Variants in TASP1 observed in about 807,000 individuals in gnomAD.
TASP1 encodes threonine aspartase 1.
TASP1 carries 16 observed loss-of-function variants against 56.6 expected under a neutral mutation model. The observed-to-expected ratio is 0.28, with a 90% CI of 0.19 to 0.43. The LOEUF (loss-of-function observed/expected upper bound fraction) is 0.43, where lower values mean the gene tolerates loss of function less well. Ranked by LOEUF, TASP1 falls within the 20% of genes least tolerant of loss-of-function variation. The probability of loss-of-function intolerance (pLI) is 1.00; values close to 1 mark genes in which losing one functional copy is unlikely to be tolerated. For missense variants in TASP1, 393 were observed against 511.6 expected, an observed-to-expected ratio of 0.77 and a Z score of 2.24; for synonymous variants, 179 against 184.2, an observed-to-expected ratio of 0.97 and a Z score of 0.23.
At chr20:13,357,525 C>A in the TASP1 span, among the ~76,000 whole-genome samples, 1 of 152,178 alleles carries the variant, frequency 6.6e-6, no homozygotes, top group Non-Finnish European at 1.5e-5. Context: ...ATTCTTTAAA[C>A]CCCTGATAAG....
At chr20:13,205,707 C>G in the TASP1 span, among the ~76,000 whole-genome samples, 1 of 152,162 alleles carries the variant, frequency 6.6e-6, no homozygotes, top group African/African-American at 2.4e-5. Context: ...CGAATGCCAT[C>G]ACATTGGGGA....
chr20:13,300,980 C>A, the TASP1 span, among the ~76,000 whole-genome samples: 1 of 152,206 alleles, frequency 6.6e-6, no homozygotes, highest in Non-Finnish European at 1.5e-5. Flanking sequence ...TAGAACTACT[C>A]ATCATGAAAA....
chr20:13,561,953 T>C (rs763302948), intron 7 of TASP1, among the ~76,000 whole-genome samples: 2 of 152,044 alleles, frequency 1.3e-5, no homozygotes, highest in African/African-American at 2.4e-5. Context: ...ATCTAAAAGA[T>C]ATAAACAGAA....
the TASP1 span, among the ~76,000 whole-genome samples, chr20:13,351,986 T>C: frequency 1.1e-4 from 16 of 152,320 alleles, no homozygotes; most frequent in African/African-American, 3.8e-4. Flanking sequence ...AATTTAACTG[T>C]AAGTAGCCAC....
chr20:13,533,979 C>T, intron 9 of TASP1, 43 bp downstream of exon 9: 1 of 1,570,618 alleles, frequency 6.4e-7, no homozygotes, highest in Non-Finnish European at 8.6e-7. Flanking sequence ...AAATTCCATG[C>T]TTTACTTTGA....
chr20:13,619,001 A>G (rs1051634173), intron 4 of TASP1, among the ~76,000 whole-genome samples: 1 of 152,020 alleles, frequency 6.6e-6, no homozygotes, highest in African/African-American at 2.4e-5. Flanking sequence ...CAGCCTCCCA[A>G]CTAGCTGGGA....
intron 12 of TASP1, among the ~76,000 whole-genome samples, chr20:13,434,443 T>C (rs904205605): frequency 6.6e-6 from 1 of 152,106 alleles, no homozygotes; most frequent in Non-Finnish European, 1.5e-5. Flanking sequence ...CCACTGGTGC[T>C]TGGGTAGAAA....
At chr20:13,279,726 C>T in the TASP1 span, 3 of 1,613,870 alleles carry the variant, frequency 1.9e-6, no homozygotes, top group African/African-American at 4.0e-5. Context: ...CATCCCCCGA[C>T]TGGCGGGCCT....
At chr20:13,280,465 T>G in the TASP1 span, among the ~76,000 whole-genome samples, 1 of 148,088 alleles carries the variant, frequency 6.8e-6, no homozygotes, top group Non-Finnish European at 1.5e-5. Flanking sequence ...GTAGGATAAG[T>G]GAGGTAACAC....
intron 2 of TASP1, among the ~76,000 whole-genome samples, chr20:13,627,733 T>TAAAAAAAAAAAAAAAAA (rs35542097): frequency 1.7e-5 from 2 of 119,516 alleles, no homozygotes; most frequent in South Asian, 2.5e-4. Flanking sequence ...AACTTAGTCT[T>TAAAAAAAAAAAAAAAAA]AAAAAAAAAA....
At chr20:13,199,399 T>A in the TASP1 span, among the ~76,000 whole-genome samples, 2 of 152,220 alleles carry the variant, frequency 1.3e-5, no homozygotes, top group South Asian at 2.1e-4. Context: ...TCCGTCCTCC[T>A]TCCCTCCCTC....
intron 4 of TASP1, among the ~76,000 whole-genome samples, chr20:13,593,950 G>A (rs1318148375): frequency 6.6e-6 from 1 of 152,202 alleles, no homozygotes; most frequent in Admixed American, 6.5e-5. Context: ...CCTCCCAGTA[G>A]GGGCTGACAG....
chr20:13,559,151 T>C (rs774460486), intron 7 of TASP1, 37 bp from the exon 8 acceptor site: 4 of 1,324,132 alleles, frequency 3.0e-6, no homozygotes, highest in Non-Finnish European at 4.1e-6. Flanking sequence ...AATATAACAT[T>C]TAAGAAATAT....
At chr20:13,528,691 T>C (rs1601134336) in intron 9 of TASP1, among the ~76,000 whole-genome samples, 180 bp from the exon 10 acceptor site, 1 of 152,304 alleles carries the variant, frequency 6.6e-6, no homozygotes, top group Admixed American at 6.5e-5. Context: ...ATCAAAACTA[T>C]GTTTTCAGAT....
At chr20:13,436,947 G>T (rs1478153434) in intron 11 of TASP1, among the ~76,000 whole-genome samples, 1 of 152,004 alleles carries the variant, frequency 6.6e-6, no homozygotes, top group Non-Finnish European at 1.5e-5. Context: ...GACAATCTAG[G>T]ATTATTAGTT....
the TASP1 span, among the ~76,000 whole-genome samples, chr20:13,111,472 C>T: frequency 6.6e-5 from 10 of 152,318 alleles, no homozygotes; most frequent in Middle Eastern, 3.4e-3. Context: ...CATGGGACAG[C>T]CCCTACAACA....
intron 4 of TASP1, among the ~76,000 whole-genome samples, chr20:13,591,293 T>C (rs1453238559): frequency 6.6e-6 from 1 of 151,360 alleles, no homozygotes; most frequent in East Asian, 1.9e-4. Flanking sequence ...TACAACAGAG[T>C]ACATCATAAT....
intron 4 of TASP1, among the ~76,000 whole-genome samples, chr20:13,619,021 C>T (rs536741440): frequency 1.0e-3 from 155 of 152,076 alleles, no homozygotes; most frequent in Admixed American, 1.8e-3. Flanking sequence ...ATTACAGGAA[C>T]GCGCCACAAT....
intron 9 of TASP1, among the ~76,000 whole-genome samples, chr20:13,533,414 G>A (rs1284588681): frequency 5.3e-5 from 8 of 152,030 alleles, no homozygotes; most frequent in South Asian, 2.1e-4. Context: ...AATGAGAGAC[G>A]GGGGAAAGGG....
Sources: gnomAD v4.1 joint callset for allele counts (sites outside exome capture counted in the v4.1 genomes callset) on GRCh38, gnomAD v4.1.1 for gene constraint, MANE v1.5 for transcripts, NCBI Gene and HGNC (gene_info 2026-07-23, HGNC 2026-07-21) for gene names.